The following PRR16 variants were observed in gnomAD, a reference collection of about 807,000 sequenced individuals.
The protein encoded by PRR16 is proline rich 16.
PRR16 carries 6 observed loss-of-function variants against 18.2 expected under a neutral mutation model. The ratio of observed to expected loss-of-function variants is 0.33; its 90% confidence interval spans 0.18 to 0.65. PRR16 has a LOEUF of 0.65. Ranked by LOEUF, PRR16 falls within the 30% of genes least tolerant of loss-of-function variation. PRR16 has a pLI of 0.74. For missense variants in PRR16, 412 were observed against 376.6 expected, an observed-to-expected ratio of 1.09 and a Z score of -0.78; for synonymous variants, 151 against 147.8, an observed-to-expected ratio of 1.02 and a Z score of -0.16.
intron 1 of PRR16, among the ~76,000 whole-genome samples, chr5:120,626,145 C>A (rs964240520): frequency 6.6e-6 from 1 of 152,034 alleles, no homozygotes; most frequent in African/African-American, 2.4e-5. Context: ...CATGTGTATA[C>A]CCATAAAACT....
chr5:120,668,772 G>A (rs1322720609), intron 1 of PRR16, among the ~76,000 whole-genome samples: 1 of 152,108 alleles, frequency 6.6e-6, no homozygotes, highest in Non-Finnish European at 1.5e-5. Context: ...TAAGAATGTT[G>A]AATATTGGCC....
chr5:120,778,234 A>C, the PRR16 span, among the ~76,000 whole-genome samples: 1 of 152,122 alleles, frequency 6.6e-6, no homozygotes, highest in Non-Finnish European at 1.5e-5. Context: ...TTAAGTAAAA[A>C]ATATCCTAGA....
chr5:120,628,840 A>C (rs887830100), intron 1 of PRR16, among the ~76,000 whole-genome samples: 1 of 152,016 alleles, frequency 6.6e-6, no homozygotes, highest in Non-Finnish European at 1.5e-5. Context: ...GTTTGAAATA[A>C]ACACATATGT....
chr5:120,707,996 A>AGC, the PRR16 span, among the ~76,000 whole-genome samples: 1 of 152,320 alleles, frequency 6.6e-6, no homozygotes, highest in South Asian at 2.1e-4. Flanking sequence ...GCTTCTAAGA[A>AGC]TGAAAAAACA....
At chr5:120,504,237 T>C (rs1379436982) in intron 1 of PRR16, among the ~76,000 whole-genome samples, 1 of 152,146 alleles carries the variant, frequency 6.6e-6, no homozygotes, top group African/African-American at 2.4e-5. Context: ...GCCCTGACCT[T>C]GGTGCTGATT....
At chr5:120,618,970 G>T (rs1754600829) in intron 1 of PRR16, among the ~76,000 whole-genome samples, 1 of 151,764 alleles carries the variant, frequency 6.6e-6, no homozygotes, top group Non-Finnish European at 1.5e-5. Context: ...CAAAAAGTCA[G>T]AACAAAAAGT....
chr5:120,652,306 G>C (rs1755819584), intron 1 of PRR16, among the ~76,000 whole-genome samples: 1 of 151,950 alleles, frequency 6.6e-6, no homozygotes, highest in African/African-American at 2.4e-5. Flanking sequence ...TTTCCTGTAG[G>C]TTTCTGTATA....
the PRR16 span, among the ~76,000 whole-genome samples, chr5:120,756,762 A>G: frequency 1.3e-5 from 2 of 151,924 alleles, no homozygotes; most frequent in African/African-American, 4.8e-5. Flanking sequence ...GACTGCATTG[A>G]TAGTTTCTTT....
chr5:120,739,452 G>C, the PRR16 span, among the ~76,000 whole-genome samples: 1 of 152,046 alleles, frequency 6.6e-6, no homozygotes, highest in Admixed American at 6.6e-5. Context: ...TCAACTATGA[G>C]AACAAGTCTT....
the PRR16 span, among the ~76,000 whole-genome samples, chr5:120,786,171 T>C: frequency 6.6e-6 from 1 of 151,730 alleles, no homozygotes; most frequent in African/African-American, 2.4e-5. Context: ...ATCTTGTCTG[T>C]TTGGTAATCT....
the PRR16 span, among the ~76,000 whole-genome samples, chr5:120,758,922 A>T: frequency 1.3e-5 from 2 of 151,714 alleles, no homozygotes; most frequent in African/African-American, 4.8e-5. Context: ...GCTGATACAA[A>T]TAGAAATTGC....
rs535029196 is a variant in PRR16 at position 120,602,562 on chromosome 5, C to A, written c.160-83392C>A. Among the ~76,000 whole-genome samples the A allele has an allele frequency of 2.0e-5, 3 of 152,112 alleles. No homozygotes were observed. The East Asian group carries it at 5.8e-4, about 29-fold the overall frequency. ...CTATTTGAAAGCCATTTATTTCTTTCTCTTGTCTGATGGCTCTGGCTAGGC... is the reference window on the plus strand; with the variant it reads ...CTATTTGAAAGCCATTTATTTCTTTATCTTGTCTGATGGCTCTGGCTAGGC... On this transcript the variant is annotated intron_variant, in intron 1 of 1. Transcript: ENST00000407149.
chr5:120,477,007 T>C (rs991977507), intron 1 of PRR16, among the ~76,000 whole-genome samples: 2 of 152,124 alleles, frequency 1.3e-5, no homozygotes, highest in African/African-American at 4.8e-5. Flanking sequence ...CAGTTGACAG[T>C]CTCTTTAATA....
chr5:120,619,252 C>T (rs1754610264), intron 1 of PRR16, among the ~76,000 whole-genome samples: 1 of 152,014 alleles, frequency 6.6e-6, no homozygotes, highest in South Asian at 2.1e-4. Context: ...AAACATAGTT[C>T]TAATTTTTCT....
chr5:120,659,136 A>T (rs1032024154), intron 1 of PRR16, among the ~76,000 whole-genome samples: 1 of 152,048 alleles, frequency 6.6e-6, no homozygotes, highest in Admixed American at 6.6e-5. Context: ...ACAATTATCA[A>T]AAGCACTGGC....
chr5:120,776,877 T>G, the PRR16 span, among the ~76,000 whole-genome samples: 20 of 152,250 alleles, frequency 1.3e-4, no homozygotes, highest in African/African-American at 4.8e-4. Flanking sequence ...TATTGTTGAT[T>G]AAAGGTTTAT....
the PRR16 span, among the ~76,000 whole-genome samples, chr5:120,709,922 G>C: frequency 6.6e-6 from 1 of 152,098 alleles, no homozygotes; most frequent in Admixed American, 6.5e-5. Context: ...TGGATATTGT[G>C]AACTGCAATA....
chr5:120,490,049 G>T (rs1292832923), intron 1 of PRR16, among the ~76,000 whole-genome samples: 1 of 152,048 alleles, frequency 6.6e-6, no homozygotes, highest in Non-Finnish European at 1.5e-5. Context: ...TTCCCTTTGT[G>T]GGTAACCCGA....
intron 1 of PRR16, among the ~76,000 whole-genome samples, chr5:120,647,264 T>C (rs1755632364): frequency 6.6e-6 from 1 of 152,008 alleles, no homozygotes; most frequent in Admixed American, 6.6e-5. Flanking sequence ...TAATATGTCT[T>C]GGCTTTAACC....
Sources: allele counts gnomAD v4.1 joint callset (sites outside exome capture counted in the v4.1 genomes callset), GRCh38; gene constraint gnomAD v4.1.1; transcripts MANE v1.5; gene names NCBI Gene and HGNC (gene_info 2026-07-23, HGNC 2026-07-21).